The following ACTR1A variants were observed in gnomAD, a reference collection of about 807,000 sequenced individuals.
The protein encoded by ACTR1A is actin related protein 1A, also known as alpha-centractin.
ACTR1A carries 10 observed loss-of-function variants against 50.7 expected under a neutral mutation model. The ratio of observed to expected loss-of-function variants is 0.20; its 90% CI spans 0.12 to 0.33. ACTR1A has a LOEUF of 0.33. Among genes scored for constraint, ACTR1A ranks in the 10% least tolerant of loss-of-function variants. ACTR1A has a pLI of 1.00. For missense variants in ACTR1A, 253 were observed against 491.7 expected, an observed-to-expected ratio of 0.51 and a Z score of 4.59; for synonymous variants, 177 against 184.2, an observed-to-expected ratio of 0.96 and a Z score of 0.32.
At chr10:102,491,406 T>C (rs2062190946) in intron 1 of ACTR1A, among the ~76,000 whole-genome samples, 2 of 152,204 alleles carry the variant, frequency 1.3e-5, no homozygotes, top group Non-Finnish European at 2.9e-5. Flanking sequence ...AGCACTGTCA[T>C]GCTTGAAATG....
At position 102,487,692 on chromosome 10, in the gene ACTR1A, C is replaced by T. The variant is rs1014310416; in HGVS notation, c.315+458G>A. On this transcript the variant is annotated intron_variant, in intron 4 of 10. Transcript: ENST00000369905. ...TGTCACCCAGGCTGGAGCACAGTGG[C>T]GCAATCTCGGCTCACTGCAAGCTCC... 4.1e-5 allele frequency among the ~76,000 whole-genome samples: 6 copies of T among 145,456 alleles called. No homozygotes were observed. The East Asian group carries it at 6.1e-4, about 15-fold the overall frequency.
At chr10:102,502,169 G>A (rs895716571) in intron 1 of ACTR1A, among the ~76,000 whole-genome samples, 4 of 152,242 alleles carry the variant, frequency 2.6e-5, no homozygotes, top group Non-Finnish European at 5.9e-5. Context: ...ACAATATGGC[G>A]GCAAGGAAGA....
In ACTR1A at chr10:102,482,586, CTA is replaced by C. The variant is rs2062149087; in HGVS notation, c.751-413_751-412del. ...CAATCCCTTAGGAGCTTCCTCCCCTCTAGCGGGAGGGAGCAAAGTTCTGGCTG... is the reference window on the plus strand; with the variant it reads ...CAATCCCTTAGGAGCTTCCTCCCCTCGCGGGAGGGAGCAAAGTTCTGGCTG... On this transcript the variant is annotated intron_variant, in intron 7 of 10. Transcript: ENST00000369905. This position sits in a 1 kb window ranked among gnomAD's most constrained non-coding sequence, Gnocchi z 5.6. The C allele has an allele frequency of 3.7e-6, 1 of 269,432 alleles. No individual in the cohort carries two copies. The highest frequency in any genetic ancestry group is 2.2e-5 in the African/African-American group (1 of 45,222). The allele number at this position is 269,432 out of a possible 1,614,324, so 16.7% of individuals were successfully genotyped here.
chr10:102,490,971 T>C (rs1252564467), intron 1 of ACTR1A, among the ~76,000 whole-genome samples: 3 of 152,038 alleles, frequency 2.0e-5, no homozygotes, highest in African/African-American at 7.2e-5. Context: ...CCAGCCTGGG[T>C]GACAGACTCT....
chr10:102,492,429 A>G (rs2062199288), intron 1 of ACTR1A, among the ~76,000 whole-genome samples: 1 of 151,818 alleles, frequency 6.6e-6, no homozygotes. Context: ...CTAACCCAAC[A>G]TGGTTTGCAG....
chr10:102,498,513 T>C (rs2062232954), intron 1 of ACTR1A, among the ~76,000 whole-genome samples: 1 of 152,140 alleles, frequency 6.6e-6, no homozygotes, highest in African/African-American at 2.4e-5. Context: ...AGTTTTTTTG[T>C]TTTTGTTTTT....
At chr10:102,481,975 G>C in intron 8 of ACTR1A, 26 bp downstream of exon 8, 1 of 1,613,986 alleles carries the variant, frequency 6.2e-7, no homozygotes, top group Non-Finnish European at 8.5e-7. Flanking sequence ...ACTTCCAGGG[G>C]AAGGGCTCCA....
intron 2 of ACTR1A, 66 bp downstream of exon 2, chr10:102,490,483 T>A: frequency 7.2e-7 from 1 of 1,381,738 alleles, no homozygotes; most frequent in South Asian, 1.2e-5. Context: ...CTCCTGTCCC[T>A]TATAGGGCTG....
chr10:102,499,822 C>G (rs2062238766), intron 1 of ACTR1A, among the ~76,000 whole-genome samples: 1 of 152,210 alleles, frequency 6.6e-6, no homozygotes, highest in Non-Finnish European at 1.5e-5. Context: ...AAGTCCTACT[C>G]AATTATCTGC....
Position 102,488,081 on chromosome 10 carries a change from A to T in ACTR1A, c.315+69T>A. 1 of 1,549,850 alleles carries T rather than the reference A, an allele frequency of 6.5e-7. No homozygotes were observed. Among genetic ancestry groups the T allele is most frequent in the Non-Finnish European group, 8.8e-7 (1 of 1,131,610 alleles). Reference sequence around the variant, plus strand: ...GGCAGTGATCATCGTCCTCCTCATCATCTCTAGGGTAGGAGTTTGACACAG... The same window carrying T: ...GGCAGTGATCATCGTCCTCCTCATCTTCTCTAGGGTAGGAGTTTGACACAG... On this transcript the variant is annotated intron_variant, in intron 4 of 10. Transcript: ENST00000369905. This position sits in a 1 kb window ranked among gnomAD's most constrained non-coding sequence, Gnocchi z 4.4.
In ACTR1A at chr10:102,488,391, T is replaced by TTCC. The variant is rs1266930808; in HGVS notation, c.190-119_190-117dup. On this transcript the variant is annotated intron_variant, in intron 3 of 10. Coordinates refer to ENST00000369905, the MANE Select transcript of ACTR1A (RefSeq NM_005736.4). This position sits in a 1 kb window ranked among gnomAD's most constrained non-coding sequence, Gnocchi z 4.4. ...GCAAAGAAGCCTCAGCTTCCTGAGC[T>TTCC]TCCACCCTGCTGTCCTTGCCCAGGG... 1 of 1,446,480 alleles carries TTCC rather than the reference T, an allele frequency of 6.9e-7. No homozygotes were observed. The allele number at this position is 1,446,480 out of a possible 1,614,324, so 89.6% of individuals were successfully genotyped here. A position where few individuals can be genotyped will look rare whatever the true frequency, so the allele number is the denominator to read the frequency against.
At chr10:102,483,174 G>A in intron 6 of ACTR1A, 71 bp from the exon 7 acceptor site, 2 of 1,161,054 alleles carry the variant, frequency 1.7e-6, no homozygotes, top group Non-Finnish European at 2.6e-6. Context: ...CCCAGGGGAG[G>A]AATGTGCTGC....
chr10:102,481,441 G>C (rs576310009), intron 9 of ACTR1A, among the ~76,000 whole-genome samples: 1 of 152,160 alleles, frequency 6.6e-6, no homozygotes, highest in Non-Finnish European at 1.5e-5. Context: ...TAGGATCCCC[G>C]CTCTCCTCAG....
chr10:102,485,516 A>G, intron 5 of ACTR1A, 93 bp downstream of exon 5: 1 of 1,536,214 alleles, frequency 6.5e-7, no homozygotes, highest in African/African-American at 1.4e-5. Context: ...AGGGGGCTCA[A>G]GTTACTCTGA....
intron 1 of ACTR1A, among the ~76,000 whole-genome samples, chr10:102,499,441 A>G (rs1031697006): frequency 2.0e-5 from 3 of 152,228 alleles, no homozygotes; most frequent in Non-Finnish European, 4.4e-5. Context: ...CTGGCATAAT[A>G]AAGGACATGT....
At chr10:102,489,207 G>A in intron 2 of ACTR1A, 69 bp from the exon 3 acceptor site, 1 of 1,076,656 alleles carries the variant, frequency 9.3e-7, no homozygotes, top group Non-Finnish European at 1.3e-6. Flanking sequence ...ATGTATAGAT[G>A]TACATACACA....
At chr10:102,498,357 C>T (rs1177682004) in intron 1 of ACTR1A, among the ~76,000 whole-genome samples, 2 of 150,392 alleles carry the variant, frequency 1.3e-5, no homozygotes, top group African/African-American at 2.4e-5. Context: ...TGAAGCAGCA[C>T]AACATCCAAA....
At chr10:102,490,677 T>A in intron 1 of ACTR1A, 64 bp from the exon 2 acceptor site, 1 of 1,335,096 alleles carries the variant, frequency 7.5e-7, no homozygotes, top group Non-Finnish European at 1.1e-6. Flanking sequence ...AAAAATACAT[T>A]ATATGGTACC....
At chr10:102,483,174 G>T in intron 6 of ACTR1A, 71 bp from the exon 7 acceptor site, 1 of 1,161,052 alleles carries the variant, frequency 8.6e-7, no homozygotes, top group Non-Finnish European at 1.3e-6. Context: ...CCCAGGGGAG[G>T]AATGTGCTGC....
Sources: allele counts gnomAD v4.1 joint callset (sites outside exome capture counted in the v4.1 genomes callset), GRCh38; gene constraint gnomAD v4.1.1; non-coding constraint Gnocchi (gnomAD v3.1); transcripts MANE v1.5; gene names NCBI Gene and HGNC (gene_info 2026-07-23, HGNC 2026-07-21).